Variants in GPR137B observed in about 807,000 individuals in gnomAD.
The protein encoded by GPR137B is integral membrane protein GPR137B.
A neutral mutation model predicts 42.5 loss-of-function variants in GPR137B; 42 were observed. That is an observed-to-expected ratio of 0.99 (90% CI 0.77 to 1.28). The LOEUF is 1.28. Ranked by LOEUF, GPR137B falls within the 50% of genes most tolerant of loss-of-function variation. The pLI is 0.00. For synonymous variants in GPR137B, 218 were observed against 209.7 expected, an observed-to-expected ratio of 1.04 and a Z score of -0.34; for missense variants, 487 against 493.9, an observed-to-expected ratio of 0.99 and a Z score of 0.13.
intron 3 of GPR137B, among the ~76,000 whole-genome samples, 161 bp downstream of exon 3, chr1:236,178,797 T>G (rs912154296): frequency 5.9e-5 from 5 of 85,396 alleles, no homozygotes; most frequent in African/African-American, 1.5e-4. Flanking sequence ...TTTTTTTTTT[T>G]TTTTTTTTTT....
At chr1:236,163,774 T>C (rs887304224) in intron 1 of GPR137B, among the ~76,000 whole-genome samples, 1 of 152,160 alleles carries the variant, frequency 6.6e-6, no homozygotes, top group African/African-American at 2.4e-5. Context: ...ATTAAACTTC[T>C]TTTTCTTCCC....
chr1:236,145,639 G>A (rs530606527), intron 1 of GPR137B, among the ~76,000 whole-genome samples: 1 of 152,192 alleles, frequency 6.6e-6, no homozygotes, highest in African/African-American at 2.4e-5. Flanking sequence ...TTACAGGTGT[G>A]AGCCACCGCA....
rs554130023 is a variant in GPR137B at position 236,205,049 on chromosome 1, C to T, written c.967-77C>T. The T allele has an allele frequency of 6.4e-5, 78 of 1,218,888 alleles. No individual in the cohort carries two copies. The South Asian group carries it at 9.7e-4, about 15-fold the overall frequency. 75.5% of individuals were successfully genotyped at this position (1,218,888 alleles called of 1,614,324 possible). On this transcript the variant is annotated intron_variant, in intron 5 of 6. Transcript: ENST00000366592. ...TGAATAGAACATCTTTAGTCTCCTACAAGAAAGAGATCTTATTTTTGTCTG... is the reference window on the plus strand; with the variant it reads ...TGAATAGAACATCTTTAGTCTCCTATAAGAAAGAGATCTTATTTTTGTCTG...
chr1:236,185,560 T>C (rs10159006), intron 5 of GPR137B, among the ~76,000 whole-genome samples: 70,687 of 152,030 alleles, frequency 0.46, 17,323 homozygotes, highest in East Asian at 0.81. Flanking sequence ...TCTGTCCTTA[T>C]CCTTTTCTTT....
Position 236,207,028 on chromosome 1 carries a change from A to G in GPR137B, c.1092-1022A>G, listed in dbSNP as rs186723661. The G allele has an allele frequency of 6.7e-5, 28 of 419,060 alleles. No individual in the cohort carries two copies. In the East Asian group the frequency reaches 3.8e-3, roughly 56 times the overall value. 26.0% of individuals were successfully genotyped at this position (419,060 alleles called of 1,614,324 possible). A position where few individuals can be genotyped will look rare whatever the true frequency, so the allele number is the denominator to read the frequency against. Reference sequence around the variant, plus strand: ...ACTTTACAACTTTTTTCCCTCTGGGATGAAATGATAAAAAATATATGCTTG... The same window carrying G: ...ACTTTACAACTTTTTTCCCTCTGGGGTGAAATGATAAAAAATATATGCTTG... On this transcript the variant is annotated intron_variant, in intron 6 of 6. Transcript: ENST00000366592.
chr1:236,160,779 TC>T (rs1275141371), intron 1 of GPR137B, among the ~76,000 whole-genome samples: 1 of 152,042 alleles, frequency 6.6e-6, no homozygotes, highest in Non-Finnish European at 1.5e-5. Flanking sequence ...GGTGAAGTGG[TC>T]CAGCCTGTCA....
chr1:236,192,741 G>T (rs1173770417), intron 5 of GPR137B, among the ~76,000 whole-genome samples: 1 of 152,110 alleles, frequency 6.6e-6, no homozygotes, highest in Non-Finnish European at 1.5e-5. Flanking sequence ...CCCACCTTCT[G>T]TGTCGATCTC....
At position 236,142,657 on chromosome 1, in the gene GPR137B, C is replaced by T. The variant is rs746374959; in HGVS notation, c.35C>T (p.Ala12Val). The T allele has an allele frequency of 1.2e-5, 18 of 1,526,020 alleles. No homozygotes were observed. Among genetic ancestry groups the T allele is most frequent in the Non-Finnish European group, 1.4e-5 (16 of 1,141,544 alleles). The allele number at this position is 1,526,020 out of a possible 1,614,324, so 94.5% of individuals were successfully genotyped here. ...RPERPRPRGS[A>V]PGPMETPPWD... The stretch of plus-strand genomic sequence containing the variant: ...GAGCGTCCCCGGCCGCGCGGCAGCG[C>T]CCCCGGCCCGATGGAGACCCCGCCG... The change falls in exon 1 of 7, where the codon GCC becomes GTC. Residue 12 changes from alanine (A) to valine (V), a missense_variant. Transcript: ENST00000366592.
chr1:236,170,888 A>C (rs568625157), intron 2 of GPR137B, among the ~76,000 whole-genome samples: 6 of 151,846 alleles, frequency 4.0e-5, no homozygotes, highest in Non-Finnish European at 8.8e-5. Context: ...AGTTGGGAGA[A>C]TCGCTTAAGC....
At chr1:236,190,550 T>G (rs963305409) in intron 5 of GPR137B, among the ~76,000 whole-genome samples, 6 of 152,230 alleles carry the variant, frequency 3.9e-5, no homozygotes, top group Non-Finnish European at 2.9e-5. Context: ...CTCTCAGCAT[T>G]TGCTTGTCTA....
At chr1:236,184,329 T>C (rs1213416641) in intron 5 of GPR137B, among the ~76,000 whole-genome samples, 2 of 152,098 alleles carry the variant, frequency 1.3e-5, no homozygotes, top group African/African-American at 2.4e-5. Context: ...GACTAGGGAA[T>C]GGGAGGATAG....
chr1:236,174,454 G>A (rs1662628473), intron 2 of GPR137B, among the ~76,000 whole-genome samples: 1 of 152,140 alleles, frequency 6.6e-6, no homozygotes, highest in Non-Finnish European at 1.5e-5. Context: ...GAAGATGCGG[G>A]GTGGGGCTTT....
intron 5 of GPR137B, among the ~76,000 whole-genome samples, chr1:236,195,262 C>G (rs1490440346): frequency 6.6e-6 from 1 of 151,926 alleles, no homozygotes; most frequent in East Asian, 1.9e-4. Flanking sequence ...TCTCCCCCCG[C>G]CACTACCCTT....
intron 5 of GPR137B, among the ~76,000 whole-genome samples, chr1:236,186,341 A>ATAATATATTAT (rs1408074545): frequency 2.7e-5 from 3 of 109,700 alleles, no homozygotes; most frequent in African/African-American, 1.1e-4. Flanking sequence ...AATTATATAT[A>ATAATATATTAT]TTATATAATA....
rs570579053 is a variant in GPR137B, at chr1:236,178,550, C to T, written c.601C>T (p.Leu201Phe). Reference protein sequence around the residue: ...VSVRVAINDTLFVLCAVSLSI... With the variant: ...VSVRVAINDTFFVLCAVSLSI... ...TGTGCGAGTGGCCATTAATGACACG[C>T]TCTTCGTGCTGTGTGCCGTCTCTCT... Residue 201 changes from leucine to phenylalanine, a missense_variant, in exon 3 of 7, where the codon CTC (leucine) becomes TTC (phenylalanine). Leu to Phe is a conservative substitution (Grantham distance 22). Transcript: ENST00000366592. The T allele has an allele frequency of 6.8e-6, 11 of 1,613,094 alleles. No homozygotes were observed. The South Asian group carries it at 9.9e-5, about 14-fold the overall frequency.
At chr1:236,191,752 G>A (rs1421389713) in intron 5 of GPR137B, among the ~76,000 whole-genome samples, 1 of 152,202 alleles carries the variant, frequency 6.6e-6, no homozygotes, top group South Asian at 2.1e-4. Flanking sequence ...CCTGTATGAG[G>A]TGTCTGTCAG....
intron 5 of GPR137B, among the ~76,000 whole-genome samples, chr1:236,194,178 T>A (rs578155720): frequency 6.6e-6 from 1 of 152,278 alleles, no homozygotes; most frequent in Non-Finnish European, 1.5e-5. Context: ...ATGGTGTGTA[T>A]TTTTTATTTG....
Position 236,200,828 on chromosome 1 carries a change from G to T in GPR137B, c.967-4298G>T, listed in dbSNP as rs1173421999. On this transcript the variant is annotated intron_variant, in intron 5 of 6. Transcript: ENST00000366592. ...CTGTATCTTTTAAATGGAGCATTTAGGCCATTTACACCCAACATTAGTATT... is the reference window on the plus strand; with the variant it reads ...CTGTATCTTTTAAATGGAGCATTTATGCCATTTACACCCAACATTAGTATT... 2.0e-5 allele frequency among the ~76,000 whole-genome samples: 3 copies of T among 151,904 alleles called. No individual in the cohort carries two copies. In the East Asian group the frequency reaches 5.8e-4, roughly 29 times the overall value.
At chr1:236,193,579 A>G (rs1441382315) in intron 5 of GPR137B, among the ~76,000 whole-genome samples, 6 of 152,122 alleles carry the variant, frequency 3.9e-5, no homozygotes, top group African/African-American at 4.8e-5. Flanking sequence ...GTATTAAATG[A>G]TATCTCCTTT....
Sources: gnomAD v4.1 joint callset for allele counts (sites outside exome capture counted in the v4.1 genomes callset) on GRCh38, gnomAD v4.1.1 for gene constraint, MANE v1.5 for transcripts, NCBI Gene and HGNC (gene_info 2026-07-23, HGNC 2026-07-21) for gene names.